ACTN1: variants seen among roughly 807,000 people sequenced by gnomAD.
ACTN1 encodes alpha-actinin-1.
Under a neutral mutation model 119.6 loss-of-function variants are expected in ACTN1, and 30 were observed. The observed-to-expected ratio is 0.25, with a 90% CI of 0.19 to 0.34. The LOEUF (loss-of-function observed/expected upper bound fraction) is 0.34. Ranked by LOEUF, ACTN1 falls within the 10% of genes least tolerant of loss-of-function variation. The probability of loss-of-function intolerance (pLI) is 1.00; values close to 1 mark genes in which losing one functional copy is unlikely to be tolerated. For synonymous variants in ACTN1, 429 were observed against 472.6 expected (o/e 0.91, Z 1.20); for missense variants, 764 against 1,223.4 (o/e 0.62, Z 5.60).
chr14:68,953,607 G>A (rs1041614527), intron 1 of ACTN1, among the ~76,000 whole-genome samples: 2 of 151,884 alleles, frequency 1.3e-5, no homozygotes, highest in African/African-American at 2.4e-5. Context: ...GACCAGGCAC[G>A]GTGGCTCACG....
At chr14:68,915,814 C>A (rs2034259054) in intron 3 of ACTN1, among the ~76,000 whole-genome samples, 1 of 152,190 alleles carries the variant, frequency 6.6e-6, no homozygotes, top group African/African-American at 2.4e-5. Context: ...GTCAGGAGTT[C>A]AAGACCAGCC....
At chr14:68,947,022 C>T (rs2035966940) in intron 1 of ACTN1, among the ~76,000 whole-genome samples, 1 of 152,322 alleles carries the variant, frequency 6.6e-6, no homozygotes, top group Non-Finnish European at 1.5e-5. Context: ...CCAATGGGCC[C>T]CCGTGAAGAT....
At chr14:68,875,693 C>T (rs891411140) in intron 21 of ACTN1, among the ~76,000 whole-genome samples, 6 of 152,204 alleles carry the variant, frequency 3.9e-5, no homozygotes, top group African/African-American at 1.4e-4. Context: ...TGCACCATGC[C>T]CTACCTCTGC....
intron 8 of ACTN1, among the ~76,000 whole-genome samples, chr14:68,894,700 G>A (rs1288236451): frequency 6.6e-6 from 1 of 152,106 alleles, no homozygotes; most frequent in African/African-American, 2.4e-5. Flanking sequence ...AAGACAGCCT[G>A]GGGGTGGGAG....
At chr14:68,936,514 T>G in intron 1 of ACTN1, 1 of 279,330 alleles carries the variant, frequency 3.6e-6, no homozygotes, top group Non-Finnish European at 6.8e-6. Flanking sequence ...TTTTTTTTTT[T>G]AAGTATGCAA....
chr14:68,904,827 G>T, intron 6 of ACTN1, 91 bp from the exon 7 acceptor site: 1 of 1,069,330 alleles, frequency 9.4e-7, no homozygotes, highest in Non-Finnish European at 1.4e-6. Context: ...AAACTGGGGA[G>T]CAGAGCGACT....
chr14:68,902,732 G>A (rs1474995578), intron 7 of ACTN1, among the ~76,000 whole-genome samples, 170 bp from the exon 8 acceptor site: 1 of 152,198 alleles, frequency 6.6e-6, no homozygotes, highest in African/African-American at 2.4e-5. Flanking sequence ...GTAAGTAGAG[G>A]AACAGGTGAA....
Position 68,879,738 on chromosome 14 carries a change from G to T in ACTN1, c.2280+224C>A. ...GTCAAAGGTCCTCTTTCTACCCACA[G>T]TCTGAACACTCTCTCCCGGAAAGCA... On this transcript the variant is annotated intron_variant, in intron 18 of 21. Transcript: ENST00000394419. This position sits in a 1 kb window ranked among gnomAD's most constrained non-coding sequence, Gnocchi z 4.9. 1 of 549,478 alleles carries T rather than the reference G, an allele frequency of 1.8e-6. No homozygotes were observed. The highest frequency in any genetic ancestry group is 3.2e-6 in the Non-Finnish European group (1 of 314,174). The allele number at this position is 549,478 out of a possible 1,614,324, so 34.0% of individuals were successfully genotyped here. A position where few individuals can be genotyped will look rare whatever the true frequency, so the allele number is the denominator to read the frequency against.
intron 2 of ACTN1, among the ~76,000 whole-genome samples, chr14:68,921,996 G>C (rs2034675330): frequency 6.6e-6 from 1 of 152,188 alleles, no homozygotes; most frequent in African/African-American, 2.4e-5. Context: ...CCAGAACAAA[G>C]AGCATCCAGG....
chr14:68,912,291 G>A (rs2034053998), intron 3 of ACTN1, 49 bp from the exon 4 acceptor site: 2 of 1,461,042 alleles, frequency 1.4e-6, no homozygotes, highest in Non-Finnish European at 1.9e-6. Context: ...AGCGGGGACA[G>A]AATTAACACT....
At position 68,877,083 on chromosome 14, in the gene ACTN1, T is replaced by G. The variant is rs745643096; in HGVS notation, c.2585A>C (p.Lys862Thr). ...MASFKILAGD[K>T]NYITMDELRR... is the part of the protein sequence containing the mutation. ...AGTGCCCACCCATAGGACACCCACCTTGTCCCCAGCCAGGATCTTGAAGGA... is the reference window on the plus strand; with the variant it reads ...AGTGCCCACCCATAGGACACCCACCGTGTCCCCAGCCAGGATCTTGAAGGA... The change falls in exon 21 of 22, where the codon AAG (lysine) becomes ACG (threonine). Residue 862 changes from lysine to threonine, a missense_variant and splice_region_variant. Lys to Thr is a moderately conservative substitution (Grantham distance 78). Transcript: ENST00000394419. 32 of 1,613,912 alleles carry G rather than the reference T, an allele frequency of 2.0e-5. No individual in the cohort carries two copies. Among genetic ancestry groups the G allele is most frequent in the Non-Finnish European group, 2.7e-5 (32 of 1,179,974 alleles).
intron 6 of ACTN1, among the ~76,000 whole-genome samples, chr14:68,907,259 T>TAAAA (rs775481921): frequency 1.4e-5 from 1 of 72,996 alleles, no homozygotes; most frequent in Non-Finnish European, 2.6e-5. Flanking sequence ...AAGACTCTCT[T>TAAAA]AAAAAAAAAA....
chr14:68,934,371 G>T (rs963422118), intron 1 of ACTN1, among the ~76,000 whole-genome samples: 19 of 152,236 alleles, frequency 1.2e-4, no homozygotes, highest in African/African-American at 3.6e-4. Flanking sequence ...CTGTCACAAG[G>T]GCCTGTGGTT....
chr14:68,951,707 C>A (rs560538289), intron 1 of ACTN1, among the ~76,000 whole-genome samples: 1 of 152,192 alleles, frequency 6.6e-6, no homozygotes, highest in Non-Finnish European at 1.5e-5. Flanking sequence ...GAAGACTGGA[C>A]GTGGTCTTGG....
chr14:68,912,582 G>T (rs1269500151), intron 3 of ACTN1, among the ~76,000 whole-genome samples: 1 of 151,972 alleles, frequency 6.6e-6, no homozygotes, highest in East Asian at 1.9e-4. Context: ...TTACGATATT[G>T]CCCAGGCTGG....
Position 68,878,711 on chromosome 14 carries a change from C to T in ACTN1, c.2362-188G>A, listed in dbSNP as rs2031178103. Reference sequence around the variant, plus strand: ...ACACATCGGTGGAAATGTCCAAAGACAGGAGGAAGACAGAGCAGGGAGATG... The same window carrying T: ...ACACATCGGTGGAAATGTCCAAAGATAGGAGGAAGACAGAGCAGGGAGATG... On this transcript the variant is annotated intron_variant, in intron 19 of 21. Transcript: ENST00000394419. The surrounding 1 kb of genome is among the most constrained non-coding windows in gnomAD (Gnocchi z 4.4). The T allele has an allele frequency of 1.3e-6, 2 of 1,536,886 alleles. No homozygotes were observed. Among genetic ancestry groups the T allele is most frequent in the African/African-American group, 1.4e-5 (1 of 72,978 alleles).
chr14:68,879,919 G>T lies in ACTN1; in HGVS notation c.2280+43C>A. The T allele has an allele frequency of 6.2e-7, 1 of 1,604,772 alleles. No individual in the cohort carries two copies. Among genetic ancestry groups the T allele is most frequent in the Non-Finnish European group, 8.5e-7 (1 of 1,172,976 alleles). On this transcript the variant is annotated intron_variant, in intron 18 of 21. Coordinates refer to ENST00000394419, the MANE Select transcript of ACTN1 (RefSeq NM_001130004.2). This position sits in a 1 kb window ranked among gnomAD's most constrained non-coding sequence, Gnocchi z 4.9. ...AGTGCCCTCCAGGGCCCTGGGGCAG[G>T]GGTTGGGGGCTGCACTAAGAAAGCA...
chr14:68,918,517 C>T (rs1342340701), intron 3 of ACTN1, among the ~76,000 whole-genome samples: 3 of 172 alleles, frequency 0.017, no homozygotes, highest in South Asian at 0.17. Context: ...AACTGGGAGG[C>T]GGACTTGCAG....
chr14:68,963,293 C>T (rs903469880), intron 1 of ACTN1, among the ~76,000 whole-genome samples: 5 of 152,140 alleles, frequency 3.3e-5, no homozygotes, highest in Admixed American at 6.5e-5. Flanking sequence ...GGAAATTGCC[C>T]GTCCCTGGGT....
Sources: gnomAD v4.1 joint callset for allele counts (sites outside exome capture counted in the v4.1 genomes callset) on GRCh38, gnomAD v4.1.1 for gene constraint, Gnocchi (gnomAD v3.1) non-coding constraint, MANE v1.5 for transcripts, NCBI Gene and HGNC (gene_info 2026-07-23, HGNC 2026-07-21) for gene names.